Variants in C2CD3 observed in about 807,000 individuals in gnomAD.
The protein encoded by C2CD3 is C2 domain-containing protein 3.
Under a neutral mutation model 234.0 loss-of-function variants are expected in C2CD3, and 148 were observed. That is an observed-to-expected ratio of 0.63 (90% CI 0.55 to 0.72). The LOEUF is 0.72. C2CD3 is among the 30% of genes least tolerant of loss of function. C2CD3 has a pLI of 0.00. For missense variants in C2CD3, 2,577 were observed against 2,811.5 expected (o/e 0.92, Z 1.89); for synonymous variants, 1,000 against 1,035.4 (o/e 0.97, Z 0.66).
At chr11:74,069,692 C>A (rs556318010) in intron 24 of C2CD3, among the ~76,000 whole-genome samples, 24 of 152,278 alleles carry the variant, frequency 1.6e-4, no homozygotes, top group African/African-American at 5.5e-4. Flanking sequence ...CTGACTCGTA[C>A]TTTAGATTTT....
intron 9 of C2CD3, 107 bp from the exon 10 acceptor site, chr11:74,114,700 ATTTTT>A: frequency 1.4e-6 from 1 of 725,472 alleles, no homozygotes; most frequent in South Asian, 1.7e-5. Context: ...GCAAGTTTTT[ATTTTT>A]TTATTTTTAT....
chr11:74,161,742 G>C (rs1856486313), intron 2 of C2CD3, among the ~76,000 whole-genome samples, 186 bp from the exon 3 acceptor site: 3 of 151,626 alleles, frequency 2.0e-5, no homozygotes, highest in African/African-American at 7.3e-5. Context: ...TAATAGGATG[G>C]TTAACTGGAA....
intron 31 of C2CD3, among the ~76,000 whole-genome samples, chr11:74,031,212 C>T (rs1952510712): frequency 6.6e-6 from 1 of 152,218 alleles, no homozygotes; most frequent in African/African-American, 2.4e-5. Context: ...CACAACAACC[C>T]AGTAAGTACT....
intron 9 of C2CD3, 76 bp from the exon 10 acceptor site, chr11:74,114,669 G>A: frequency 1.0e-6 from 1 of 960,920 alleles, no homozygotes; most frequent in Non-Finnish European, 1.7e-6. Flanking sequence ...GCACAGGCAA[G>A]ATGAGGAAAA....
intron 32 of C2CD3, among the ~76,000 whole-genome samples, chr11:74,024,646 T>A (rs2135405193): frequency 6.6e-6 from 1 of 152,352 alleles, no homozygotes; most frequent in South Asian, 2.1e-4. Flanking sequence ...ATGGTAATGA[T>A]TTCAATCTTT....
At chr11:74,035,272 G>A (rs1046792895) in intron 30 of C2CD3, among the ~76,000 whole-genome samples, 4 of 152,194 alleles carry the variant, frequency 2.6e-5, no homozygotes, top group African/African-American at 9.7e-5. Flanking sequence ...ATAGGAATAG[G>A]CATGGGGAAG....
chr11:74,167,453 C>T (rs1856883057), intron 2 of C2CD3, among the ~76,000 whole-genome samples: 1 of 152,104 alleles, frequency 6.6e-6, no homozygotes, highest in African/African-American at 2.4e-5. Flanking sequence ...CCCCATGGTG[C>T]CTAAAACAAT....
rs146180521 is a variant in C2CD3, at chr11:74,143,244, A to G, written c.484-3416T>C. Among the ~76,000 whole-genome samples the G allele has an allele frequency of 3.5e-3, 539 of 152,320 alleles. 1 individual carries two copies. The highest frequency in any genetic ancestry group is 0.02 in the Middle Eastern group (6 of 294). ...AATAAGTTGCCTACAATTATCTACT[A>G]TATCTACAACATGTATCAGTATCAG... On this transcript the variant is annotated intron_variant, in intron 3 of 32. Coordinates refer to ENST00000334126, the MANE Select transcript of C2CD3 (RefSeq NM_001286577.2).
chr11:74,106,643 G>A, intron 12 of C2CD3, 150 bp from the exon 13 acceptor site: 1 of 690,422 alleles, frequency 1.4e-6, no homozygotes, highest in Non-Finnish European at 2.3e-6. Flanking sequence ...ATCCCACTTT[G>A]TCATATTTTG....
chr11:74,088,755 T>C (rs1401909658), intron 20 of C2CD3, among the ~76,000 whole-genome samples: 4 of 152,230 alleles, frequency 2.6e-5, no homozygotes, highest in African/African-American at 7.2e-5. Context: ...AAACACAAGT[T>C]TCATGCCTCC....
At chr11:74,057,749 C>T (rs1458611165) in intron 24 of C2CD3, among the ~76,000 whole-genome samples, 2 of 151,964 alleles carry the variant, frequency 1.3e-5, no homozygotes, top group Admixed American at 6.6e-5. Flanking sequence ...GGTAGGAGGA[C>T]AACTTGAGCG....
chr11:74,104,261 C>T (rs937941980), intron 13 of C2CD3, among the ~76,000 whole-genome samples: 2 of 152,108 alleles, frequency 1.3e-5, no homozygotes, highest in African/African-American at 2.4e-5. Flanking sequence ...GAAGATCTGA[C>T]AAAATGCAAT....
At chr11:74,034,507 C>T (rs1952645997) in intron 30 of C2CD3, 1 of 1,601,658 alleles carries the variant, frequency 6.2e-7, no homozygotes, top group South Asian at 1.1e-5. Context: ...GTGGATACAT[C>T]TGTGGAAATG....
chr11:74,021,839 G>T (rs916218502), intron 32 of C2CD3, among the ~76,000 whole-genome samples: 4 of 150,624 alleles, frequency 2.7e-5, no homozygotes, highest in Non-Finnish European at 4.5e-5. Context: ...AGAAATAGTC[G>T]GGGGGGCTGG....
rs1397348318 is a variant in C2CD3 at position 74,109,072 on chromosome 11, T to A, written c.1924A>T (p.Thr642Ser). Residue 642 changes from threonine (T) to serine (S), a missense_variant, in exon 12 of 33, where the codon ACT (threonine) becomes TCT (serine). Thr to Ser is a moderately conservative substitution (Grantham distance 58). Transcript: ENST00000334126. ...MIEHWWNSNLTFQIYVKKTPQ... is the reference protein window; with the variant it reads ...MIEHWWNSNLSFQIYVKKTPQ... The stretch of plus-strand genomic sequence containing the variant: ...GTTTTCTTTACATAAATTTGGAAAG[T>A]GAGGTTGGAATTCCACCAGTGCTCT... The A allele has an allele frequency of 6.2e-7, 1 of 1,606,090 alleles. No homozygotes were observed. Among genetic ancestry groups the A allele is most frequent in the South Asian group, 1.1e-5 (1 of 90,038 alleles).
Position 74,113,921 on chromosome 11 carries a change from C to G in C2CD3, c.1731-29G>C, listed in dbSNP as rs1452407765. On this transcript the variant is annotated intron_variant, in intron 10 of 32. Coordinates refer to ENST00000334126, the MANE Select transcript of C2CD3 (RefSeq NM_001286577.2). ...AAAAGAAAAAAAAAGTGATTAAAAA[C>G]TAACCAAACAATAAACCTAATTTCC... 2.3e-6 allele frequency: 3 copies of G among 1,308,650 alleles called. No individual in the cohort carries two copies. The African/African-American group carries it at 4.5e-5, about 19-fold the overall frequency. The allele number at this position is 1,308,650 out of a possible 1,614,324, so 81.1% of individuals were successfully genotyped here. A position where few individuals can be genotyped will look rare whatever the true frequency, so the allele number is the denominator to read the frequency against.
intron 25 of C2CD3, among the ~76,000 whole-genome samples, chr11:74,056,431 C>T (rs563208561): frequency 6.6e-6 from 1 of 152,318 alleles, no homozygotes; most frequent in African/African-American, 2.4e-5. Context: ...AACTTTACCT[C>T]CTATTTTTTG....
intron 3 of C2CD3, among the ~76,000 whole-genome samples, chr11:74,158,444 T>C (rs953096112): frequency 1.3e-5 from 2 of 152,186 alleles, no homozygotes; most frequent in Admixed American, 6.5e-5. Flanking sequence ...TCAACAGGGC[T>C]GGGCGTGGTG....
rs191211264 is a variant in C2CD3, at chr11:74,088,899, C to A, written c.3641+1914G>T. 1.6e-3 allele frequency among the ~76,000 whole-genome samples: 251 copies of A among 152,244 alleles called. 1 individual carries two copies. Among genetic ancestry groups the A allele is most frequent in the Non-Finnish European group, 1.2e-3 (85 of 68,020 alleles). ...TGAATGCCAAGCTAAGGAAGTTGGA[C>A]CTTATTATATGGACCAATGATCCCT... On this transcript the variant is annotated intron_variant, in intron 20 of 32. Coordinates refer to ENST00000334126, the MANE Select transcript of C2CD3 (RefSeq NM_001286577.2).
Sources: gnomAD v4.1 joint callset for allele counts (sites outside exome capture counted in the v4.1 genomes callset) on GRCh38, gnomAD v4.1.1 for gene constraint, MANE v1.5 for transcripts, NCBI Gene and HGNC (gene_info 2026-07-23, HGNC 2026-07-21) for gene names.